LRP6: variants seen among roughly 807,000 people sequenced by gnomAD.
LRP6 encodes the protein LDL receptor related protein 6.
A neutral mutation model predicts 184.1 loss-of-function variants in LRP6; 43 were observed. The observed-to-expected ratio is 0.23, with a 90% CI of 0.18 to 0.30. The LOEUF (loss-of-function observed/expected upper bound fraction) is 0.30, where lower values mean the gene tolerates loss of function less well. LRP6 is among the 10% of genes least tolerant of loss of function. The pLI is 1.00. For synonymous variants in LRP6, 719 were observed against 684.9 expected (o/e 1.05, Z -0.78); for missense variants, 1,571 against 2,005.3 (o/e 0.78, Z 4.14).
intron 1 of LRP6, among the ~76,000 whole-genome samples, chr12:12,250,990 G>A (rs780715366): frequency 6.6e-6 from 1 of 151,952 alleles, no homozygotes; most frequent in Non-Finnish European, 1.5e-5. Flanking sequence ...GAGTGCAGTG[G>A]TACAATCTGG....
chr12:12,222,402 C>T (rs1195225800), intron 2 of LRP6, among the ~76,000 whole-genome samples: 2 of 151,820 alleles, frequency 1.3e-5, no homozygotes, highest in Non-Finnish European at 2.9e-5. Flanking sequence ...CTCATCTCTA[C>T]TAAAAATACA....
chr12:12,161,825 A>T (rs1379937258), intron 10 of LRP6, among the ~76,000 whole-genome samples: 1 of 152,108 alleles, frequency 6.6e-6, no homozygotes, highest in Non-Finnish European at 1.5e-5. Context: ...AGCTCACAAC[A>T]TTGTTTCGGT....
At chr12:12,242,241 T>C (rs1039929833) in intron 2 of LRP6, among the ~76,000 whole-genome samples, 12 of 152,154 alleles carry the variant, frequency 7.9e-5, no homozygotes, top group African/African-American at 2.9e-4. Flanking sequence ...ATAATGCAAA[T>C]AAACATGCTT....
intron 17 of LRP6, among the ~76,000 whole-genome samples, chr12:12,133,854 G>T (rs373892730): frequency 6.9e-5 from 8 of 116,286 alleles, no homozygotes; most frequent in Non-Finnish European, 1.3e-4. Context: ...TTGGGGGGGG[G>T]GGGGGGGGAG....
intron 1 of LRP6, among the ~76,000 whole-genome samples, chr12:12,259,332 G>A (rs1865554868): frequency 6.6e-6 from 1 of 150,834 alleles, no homozygotes; most frequent in African/African-American, 2.4e-5. Context: ...AATAACTTTA[G>A]GCCTGGTGTT....
At chr12:12,218,113 T>C (rs1299859902) in intron 2 of LRP6, among the ~76,000 whole-genome samples, 1 of 152,256 alleles carries the variant, frequency 6.6e-6, no homozygotes, top group East Asian at 1.9e-4. Flanking sequence ...GAAATCAGTA[T>C]TTGCAAATCG....
chr12:12,140,196 T>TAAA (rs574176546), intron 15 of LRP6, among the ~76,000 whole-genome samples: 25 of 142,178 alleles, frequency 1.8e-4, no homozygotes, highest in African/African-American at 6.5e-4. Flanking sequence ...AAATACCAAT[T>TAAA]AAAAAAAAAA....
chr12:12,205,337 A>C (rs923723903), intron 2 of LRP6, among the ~76,000 whole-genome samples: 10 of 133,704 alleles, frequency 7.5e-5, no homozygotes, highest in South Asian at 6.8e-4. Context: ...AACAAAAAAA[A>C]AAAAAAAAAA....
In LRP6 at chr12:12,244,565, C is replaced by A; in HGVS notation, c.146G>T (p.Gly49Val). The A allele has an allele frequency of 6.2e-7, 1 of 1,614,182 alleles. No homozygotes were observed. Among genetic ancestry groups the A allele is most frequent in the Non-Finnish European group, 8.5e-7 (1 of 1,180,010 alleles). Residue 49 changes from glycine to valine, a missense_variant, in exon 2 of 23, where the codon GGC becomes GTC. Coordinates refer to ENST00000261349, the MANE Select transcript of LRP6 (RefSeq NM_002336.3). ...GKENATIVVGGLEDAAAVDFV... is the reference protein window; with the variant it reads ...GKENATIVVGVLEDAAAVDFV... Reference sequence around the variant, plus strand: ...GTCCACCGCAGCTGCATCCTCCAAGCCTCCAACTACAATCGTAGCATTCTC... The same window carrying A: ...GTCCACCGCAGCTGCATCCTCCAAGACTCCAACTACAATCGTAGCATTCTC...
intron 15 of LRP6, among the ~76,000 whole-genome samples, chr12:12,142,907 A>T (rs1420463478): frequency 6.6e-6 from 1 of 152,166 alleles, no homozygotes; most frequent in Non-Finnish European, 1.5e-5. Flanking sequence ...AGAAAACAAC[A>T]ACAACAAAAA....
In LRP6 at chr12:12,249,363, G is replaced by A. The variant is rs572388035; in HGVS notation, c.56-4708C>T. The A allele has an allele frequency of 5.9e-5, 62 of 1,049,266 alleles. 1 individual carries two copies. Among genetic ancestry groups the A allele is most frequent in the South Asian group, 1.3e-4 (10 of 79,508 alleles). 65.0% of individuals were successfully genotyped at this position (1,049,266 alleles called of 1,614,324 possible). A position where few individuals can be genotyped will look rare whatever the true frequency, so the allele number is the denominator to read the frequency against. On this transcript the variant is annotated intron_variant, in intron 1 of 22. Transcript: ENST00000261349. ...AAAGTTGTCCTGCAAGAGCTTTGGC[G>A]CCTAATGGTGTCTAAAGAAAATATG...
intron 12 of LRP6, among the ~76,000 whole-genome samples, chr12:12,154,791 C>T (rs373415174): frequency 7.2e-5 from 11 of 152,048 alleles, no homozygotes; most frequent in African/African-American, 1.4e-4. Flanking sequence ...AAATTTGAGA[C>T]GAGGAAAGGA....
chr12:12,163,932 G>A (rs1459576332), intron 9 of LRP6, among the ~76,000 whole-genome samples: 1 of 152,088 alleles, frequency 6.6e-6, no homozygotes, highest in Non-Finnish European at 1.5e-5. Context: ...AAGAGTTCGA[G>A]CGGCCTGGCC....
At chr12:12,144,685 T>C (rs1215250497) in intron 15 of LRP6, among the ~76,000 whole-genome samples, 2 of 152,026 alleles carry the variant, frequency 1.3e-5, no homozygotes, top group Admixed American at 1.3e-4. Context: ...TTGACATAAG[T>C]AACTAATGTA....
intron 2 of LRP6, among the ~76,000 whole-genome samples, chr12:12,210,565 A>C (rs1864183066): frequency 6.6e-6 from 1 of 152,228 alleles, no homozygotes; most frequent in South Asian, 2.1e-4. Context: ...TAACAGGGCA[A>C]AATAAATCAC....
chr12:12,209,283 G>A (rs1471533207), intron 2 of LRP6, among the ~76,000 whole-genome samples: 1 of 152,184 alleles, frequency 6.6e-6, no homozygotes, highest in Non-Finnish European at 1.5e-5. Context: ...TCAGTGTCTA[G>A]TTTATGGTGA....
At position 12,131,656 on chromosome 12, in the gene LRP6, G is replaced by A. The variant is rs12313200; in HGVS notation, c.3970+165C>T. On this transcript the variant is annotated intron_variant, in intron 18 of 22. Coordinates refer to ENST00000261349, the MANE Select transcript of LRP6 (RefSeq NM_002336.3). Reference sequence around the variant, plus strand: ...AATTTGTATAAATCTTATGCATATGGAGTGAATTAAAACAATAATATGGAA... The same window carrying A: ...AATTTGTATAAATCTTATGCATATGAAGTGAATTAAAACAATAATATGGAA... 0.13 allele frequency among the ~76,000 whole-genome samples: 20,220 copies of A among 152,114 alleles called. 1,545 individuals are homozygous for A. Among genetic ancestry groups the A allele is most frequent in the Middle Eastern group, 0.24 (70 of 294 alleles).
chr12:12,164,525 G>A lies in LRP6; in HGVS notation c.1800C>T (p.Ser600=). 1 of 1,614,098 alleles carries A rather than the reference G, an allele frequency of 6.2e-7. No homozygotes were observed. Among genetic ancestry groups the A allele is most frequent in the Non-Finnish European group, 8.5e-7 (1 of 1,180,016 alleles). Residue 600 remains serine (S), a synonymous_variant, in exon 9 of 23, where the codon AGC becomes AGT. Transcript: ENST00000261349. ...CCTGAGGTCTATAGAGGCAGAGATG[G>A]CTACATCCCCCGTTTTCCTCAGCAC... ...NPCAEENGGC[S]HLCLYRPQGL...
intron 3 of LRP6, among the ~76,000 whole-genome samples, chr12:12,202,591 C>T (rs1234967205): frequency 6.6e-6 from 1 of 152,162 alleles, no homozygotes; most frequent in Non-Finnish European, 1.5e-5. Flanking sequence ...ACAGTCATGC[C>T]TATTCCCTTA....
Sources: allele counts gnomAD v4.1 joint callset (sites outside exome capture counted in the v4.1 genomes callset), GRCh38; gene constraint gnomAD v4.1.1; transcripts MANE v1.5; gene names NCBI Gene and HGNC (gene_info 2026-07-23, HGNC 2026-07-21).